The following SPATA24 variants were observed in gnomAD, a reference collection of about 807,000 sequenced individuals.
The protein encoded by SPATA24 is spermatogenesis associated 24, also known as spermatogenesis-associated protein 24.
A neutral mutation model predicts 28.9 loss-of-function variants in SPATA24; 21 were observed. That is an observed-to-expected ratio of 0.73 (90% CI 0.52 to 1.05). The LOEUF (loss-of-function observed/expected upper bound fraction) is 1.05, where lower values mean the gene tolerates loss of function less well. Among genes scored for constraint, SPATA24 ranks in the 50% least tolerant of loss-of-function variants. The pLI is 0.00. For missense variants in SPATA24, 215 were observed against 242.9 expected (o/e 0.88, Z 0.76); for synonymous variants, 76 against 89.9 (o/e 0.85, Z 0.88).
At chr5:139,399,864 C>G (rs968187921) in intron 4 of SPATA24, among the ~76,000 whole-genome samples, 2 of 152,160 alleles carry the variant, frequency 1.3e-5, no homozygotes, top group South Asian at 4.1e-4. Context: ...TCCAAAGCCC[C>G]GTGAGCTTGA....
rs74569225 is a variant in SPATA24 at position 139,396,775 on chromosome 5, A to G, written c.*25T>C. ...AAGGCAGAGGCTGGGGATTACAGCC[A>G]GAGAACAGGAAAGCGGCGGCCATTT... On this transcript the variant is annotated 3_prime_UTR_variant, in exon 6 of 6. Coordinates refer to ENST00000450845, the MANE Select transcript of SPATA24 (RefSeq NM_194296.2). 3.2e-6 allele frequency: 5 copies of G among 1,551,700 alleles called. No homozygotes were observed. In the East Asian group the frequency reaches 9.8e-5, roughly 30 times the overall value.
At chr5:139,392,692 C>T, downstream of SPATA24, 1 of 1,388,070 alleles carries the variant, frequency 7.2e-7, no homozygotes, top group Non-Finnish European at 9.3e-7. The surrounding 1 kb of genome is among the most constrained non-coding windows in gnomAD (Gnocchi z 5.8). Flanking sequence ...GCGGGGCGAT[C>T]GGACCCCTGC....
downstream of SPATA24, chr5:139,393,085 T>C (rs1366527864): frequency 6.6e-7 from 1 of 1,526,554 alleles, no homozygotes; most frequent in Non-Finnish European, 8.8e-7. Flanking sequence ...TGGCGGCTCT[T>C]GCGTCTTGGA....
rs1387613223 is a variant in SPATA24 at position 139,404,074 on chromosome 5, C to A, written c.-14G>T. The A allele has an allele frequency of 6.5e-7, 1 of 1,548,264 alleles. No homozygotes were observed. Among genetic ancestry groups the A allele is most frequent in the Non-Finnish European group, 8.7e-7 (1 of 1,144,328 alleles). On this transcript the variant is annotated 5_prime_UTR_variant, in exon 1 of 6. Coordinates refer to ENST00000450845, the MANE Select transcript of SPATA24 (RefSeq NM_194296.2). ...GGGCGTCGCCATCTTCCGCCCCCGCCAGCTAGTTGGAAATGGCTGCCTCGG... is the reference window on the plus strand; with the variant it reads ...GGGCGTCGCCATCTTCCGCCCCCGCAAGCTAGTTGGAAATGGCTGCCTCGG...
downstream of SPATA24, chr5:139,392,701 G>A: frequency 7.1e-7 from 1 of 1,402,350 alleles, no homozygotes; most frequent in South Asian, 1.6e-5. This position sits in a 1 kb window ranked among gnomAD's most constrained non-coding sequence, Gnocchi z 5.8. Flanking sequence ...TCGGACCCCT[G>A]CTGGCCCTAC....
intron 4 of SPATA24, among the ~76,000 whole-genome samples, chr5:139,400,302 C>CTTTT (rs55789939): frequency 3.2e-5 from 4 of 125,110 alleles, no homozygotes; most frequent in Non-Finnish European, 3.4e-5. Flanking sequence ...TTCATACCTA[C>CTTTT]TTTTTTTTTT....
chr5:139,393,500 C>T (rs1416577784), downstream of SPATA24: 6 of 1,551,454 alleles, frequency 3.9e-6, no homozygotes, highest in South Asian at 2.4e-5. Flanking sequence ...ATCGATGAGC[C>T]CGGCCCCATG....
chr5:139,401,434 T>G (rs1758818000), intron 4 of SPATA24: 5 of 606,266 alleles, frequency 8.2e-6, no homozygotes, highest in African/African-American at 3.7e-5. Flanking sequence ...TGCCCTGTGT[T>G]CCTCTTGTAT....
At chr5:139,403,457 T>C (rs1381821760) in intron 1 of SPATA24, among the ~76,000 whole-genome samples, 1 of 152,166 alleles carries the variant, frequency 6.6e-6, no homozygotes, top group Non-Finnish European at 1.5e-5. Context: ...TTGCACCCAT[T>C]AGCTGGGGTT....
chr5:139,395,137 C>T (rs994111979), downstream of SPATA24: 2 of 1,359,528 alleles, frequency 1.5e-6, no homozygotes, highest in African/African-American at 1.5e-5. Context: ...CTGGTGGCGC[C>T]GGCACTGTCC....
chr5:139,398,979 G>A (rs1758767577), intron 4 of SPATA24, among the ~76,000 whole-genome samples: 1 of 105,588 alleles, frequency 9.5e-6, no homozygotes, highest in Non-Finnish European at 1.7e-5. Context: ...AGCCGAGATC[G>A]TGCCATTGCA....
downstream of SPATA24, chr5:139,392,939 C>G: frequency 6.6e-7 from 1 of 1,516,432 alleles, no homozygotes; most frequent in Non-Finnish European, 8.9e-7. This position sits in a 1 kb window ranked among gnomAD's most constrained non-coding sequence, Gnocchi z 5.8. Flanking sequence ...CGCCGCAGGA[C>G]CCCGTTGGGC....
chr5:139,400,455 C>T (rs191488640), intron 4 of SPATA24, among the ~76,000 whole-genome samples: 10 of 151,892 alleles, frequency 6.6e-5, no homozygotes, highest in East Asian at 3.9e-4. Flanking sequence ...TACAGGTGCC[C>T]GCCACTATGC....
At chr5:139,392,869 GC>G, downstream of SPATA24, 3 of 1,544,542 alleles carry the variant, frequency 1.9e-6, no homozygotes, top group Non-Finnish European at 8.7e-7. The surrounding 1 kb of genome is among the most constrained non-coding windows in gnomAD (Gnocchi z 5.8). Flanking sequence ...CAAGGCCAGG[GC>G]CCCAGGCAGG....
chr5:139,394,926 G>T (rs1758670586), downstream of SPATA24: 6 of 1,519,918 alleles, frequency 3.9e-6, no homozygotes, highest in East Asian at 1.1e-4. Context: ...AATTCGCTGG[G>T]CCTTTCGCGT....
downstream of SPATA24, chr5:139,396,718 G>T: frequency 6.5e-7 from 1 of 1,549,692 alleles, no homozygotes; most frequent in South Asian, 1.2e-5. Flanking sequence ...GGAAGTAGCA[G>T]GGGCTAGAGG....
rs1352199315 is a variant in SPATA24, at chr5:139,402,654, A to G, written c.157T>C (p.Phe53Leu). The part of the protein sequence containing the change: ...QDENFVSKEE[F>L]QAVEKKLVEE... ...ACCAGCTTCTTCTCCACTGCCTGGA[A>G]CTCTTCTTTACTGACAAAATTTTCG... The change falls in exon 2 of 6, where the codon TTC becomes CTC. Residue 53 changes from phenylalanine to leucine, a missense_variant. By Grantham distance (22) the Phe-to-Leu change is conservative. Transcript: ENST00000450845. 1 of 1,551,630 alleles carries G rather than the reference A, an allele frequency of 6.4e-7. No homozygotes were observed. Among genetic ancestry groups the G allele is most frequent in the East Asian group, 2.4e-5 (1 of 40,918 alleles).
chr5:139,402,116 C>G, intron 2 of SPATA24, 71 bp from the exon 3 acceptor site: 1 of 1,498,224 alleles, frequency 6.7e-7, no homozygotes, highest in Non-Finnish European at 8.9e-7. Flanking sequence ...TTAACCAGCC[C>G]CCCTTCTCAG....
At chr5:139,394,975 G>A (rs776415258), downstream of SPATA24, 113 of 1,514,894 alleles carry the variant, frequency 7.5e-5, no homozygotes, top group Non-Finnish European at 9.4e-5. Context: ...ACCTGGAGCC[G>A]TGTAGTAGGA....
Sources: gnomAD v4.1 joint callset for allele counts (sites outside exome capture counted in the v4.1 genomes callset) on GRCh38, gnomAD v4.1.1 for gene constraint, Gnocchi (gnomAD v3.1) non-coding constraint, MANE v1.5 for transcripts, NCBI Gene and HGNC (gene_info 2026-07-23, HGNC 2026-07-21) for gene names.